NEB: variants seen among roughly 807,000 people sequenced by gnomAD.
NEB encodes the protein nebulin, also known as nemaline myopathy type 2.
In NEB, 512 loss-of-function variants were observed where a neutral mutation model predicts 952.2. That is an observed-to-expected ratio of 0.54 (90% confidence interval 0.50 to 0.58). The LOEUF is 0.58. Among genes scored for constraint, NEB ranks in the 20% least tolerant of loss-of-function variants. The pLI is 0.00. For missense variants in NEB, 8,428 were observed against 9,231.1 expected (o/e 0.91, Z 3.56); for synonymous variants, 2,900 against 3,149.8 (o/e 0.92, Z 2.66).
intron 71 of NEB, among the ~76,000 whole-genome samples, chr2:151,622,759 G>A (rs1399461896): frequency 6.6e-6 from 1 of 152,064 alleles, no homozygotes; most frequent in African/African-American, 2.4e-5. Flanking sequence ...CAGTATTATT[G>A]TCTAGTATTA....
intron 68 of NEB, among the ~76,000 whole-genome samples, chr2:151,628,606 C>T (rs1423677131): frequency 4.6e-5 from 7 of 151,920 alleles, no homozygotes; most frequent in Admixed American, 1.3e-4. Flanking sequence ...TTTGGGAAGC[C>T]GAGGGAGGCG....
At chr2:151,498,112 T>C in intron 170 of NEB, 148 bp downstream of exon 170, 1 of 1,505,520 alleles carries the variant, frequency 6.6e-7, no homozygotes, top group Non-Finnish European at 8.9e-7. Flanking sequence ...TTAACTGTAT[T>C]ATAGAAATGG....
chr2:151,614,194 C>G, intron 77 of NEB, 82 bp downstream of exon 77: 1 of 1,506,588 alleles, frequency 6.6e-7, no homozygotes, highest in South Asian at 1.3e-5. Flanking sequence ...GTAGGTTTCA[C>G]CAGACTGTGG....
intron 155 of NEB, 149 bp from the exon 156 acceptor site, chr2:151,518,571 T>A: frequency 1.6e-6 from 1 of 641,394 alleles, no homozygotes; most frequent in Non-Finnish European, 2.8e-6. Context: ...GAAAAAGTTT[T>A]AAAAATGAGG....
chr2:151,671,270 A>C, intron 37 of NEB, 41 bp from the exon 38 acceptor site: 1 of 1,511,428 alleles, frequency 6.6e-7, no homozygotes, highest in Non-Finnish European at 9.1e-7. Flanking sequence ...ACCCTGGAGA[A>C]TATTCAAGGG....
At chr2:151,723,860 G>A (rs1390444825) in intron 8 of NEB, among the ~76,000 whole-genome samples, 2 of 150,648 alleles carry the variant, frequency 1.3e-5, no homozygotes. Flanking sequence ...ATAGTTCAGG[G>A]CAATATAGGA....
intron 66 of NEB, 85 bp from the exon 67 acceptor site, chr2:151,630,904 A>C: frequency 5.5e-6 from 7 of 1,282,100 alleles, no homozygotes; most frequent in Non-Finnish European, 7.4e-6. Context: ...TTACTGACCT[A>C]ATTAGGAAAA....
intron 3 of NEB, among the ~76,000 whole-genome samples, chr2:151,730,288 T>G (rs1200690884): frequency 6.6e-6 from 1 of 151,914 alleles, no homozygotes; most frequent in Non-Finnish European, 1.5e-5. Flanking sequence ...TGCCAAGTAA[T>G]GAAGGGGAAA....
Position 151,524,431 on chromosome 2 carries a change from C to A in NEB, c.22375-16G>T, listed in dbSNP as rs1474471072. ...TGTACTCCACCTGAATCAGAGAAAACCAAAATGGGCAACAGGTGATGGTTG... is the reference window on the plus strand; with the variant it reads ...TGTACTCCACCTGAATCAGAGAAAAACAAAATGGGCAACAGGTGATGGTTG... On this transcript the variant is annotated splice_polypyrimidine_tract_variant and intron_variant, in intron 152 of 181. Transcript: ENST00000397345. 1.2e-6 allele frequency: 2 copies of A among 1,613,690 alleles called. No individual in the cohort carries two copies. The highest frequency in any genetic ancestry group is 2.7e-5 in the African/African-American group (2 of 74,878).
chr2:151,607,402 C>T (rs2097754610), intron 83 of NEB, 102 bp downstream of exon 83: 1 of 597,438 alleles, frequency 1.7e-6, no homozygotes, highest in Non-Finnish European at 2.8e-6. Flanking sequence ...GCACCAAAAG[C>T]CACAAACATT....
At chr2:151,694,697 T>TCTTTAAA in intron 18 of NEB, 68 bp from the exon 19 acceptor site, 1 of 1,172,456 alleles carries the variant, frequency 8.5e-7, no homozygotes, top group Non-Finnish European at 1.2e-6. Flanking sequence ...TAAAGACTAG[T>TCTTTAAA]GGGTAACTAA....
intron 27 of NEB, among the ~76,000 whole-genome samples, chr2:151,685,259 G>C (rs1048436874): frequency 1.3e-5 from 2 of 152,022 alleles, no homozygotes; most frequent in African/African-American, 4.8e-5. Flanking sequence ...TTCTAAACCA[G>C]GGTTTCTCAA....
intron 135 of NEB, 41 bp downstream of exon 135, chr2:151,545,847 G>A: frequency 7.9e-7 from 1 of 1,260,424 alleles, no homozygotes; most frequent in African/African-American, 1.5e-5. Flanking sequence ...GTTTGTACTG[G>A]TCAATTTGAT....
intron 4 of NEB, 134 bp from the exon 5 acceptor site, chr2:151,728,040 A>C: frequency 1.4e-6 from 1 of 695,608 alleles, no homozygotes; most frequent in Non-Finnish European, 2.4e-6. Context: ...AAGTAAGCCA[A>C]AGCAGGAAAT....
intron 164 of NEB, chr2:151,505,836 T>G (rs929813944): frequency 2.8e-5 from 15 of 541,670 alleles, no homozygotes; most frequent in African/African-American, 3.8e-5. Flanking sequence ...TCCTGTATAC[T>G]CCAATGTCTT....
intron 71 of NEB, among the ~76,000 whole-genome samples, chr2:151,622,931 T>C (rs1244670282): frequency 6.6e-6 from 1 of 152,230 alleles, no homozygotes; most frequent in Non-Finnish European, 1.5e-5. Flanking sequence ...CATGCCTTTT[T>C]TGTTTTAACA....
intron 64 of NEB, among the ~76,000 whole-genome samples, 175 bp downstream of exon 64, chr2:151,636,052 C>T (rs976145561): frequency 6.6e-6 from 1 of 152,112 alleles, no homozygotes; most frequent in African/African-American, 2.4e-5. Context: ...GTTACAGATC[C>T]CTCTTATAAA....
chr2:151,524,654 C>CTTTT lies in NEB; in HGVS notation c.22273-42_22273-39dup, dbSNP rs5835371. 441 of 257,296 alleles carry CTTTT rather than the reference C, an allele frequency of 1.7e-3. 15 individuals are homozygous for CTTTT. The highest frequency in any genetic ancestry group is 4.9e-3 in the South Asian group (164 of 33,606). The allele number at this position is 257,296 out of a possible 1,614,324, so 15.9% of individuals were successfully genotyped here. On this transcript the variant is annotated intron_variant, in intron 151 of 181. Coordinates refer to ENST00000397345, the MANE Select transcript of NEB (RefSeq NM_001164508.2). Reference sequence around the variant, plus strand: ...AGAAAATGTTTACTCAAGAGAGAGGCTTTTTTTTTTTTTTTTTTTTTTTTT... The same window carrying CTTTT: ...AGAAAATGTTTACTCAAGAGAGAGGCTTTTTTTTTTTTTTTTTTTTTTTTTTTTT...
chr2:151,508,256 C>T (rs935332749), intron 161 of NEB, 147 bp from the exon 162 acceptor site: 11 of 530,400 alleles, frequency 2.1e-5, no homozygotes, highest in Admixed American at 1.3e-4. Flanking sequence ...GTTAGGGCAT[C>T]GCAAGGAAGA....
Sources: allele counts gnomAD v4.1 joint callset (sites outside exome capture counted in the v4.1 genomes callset), GRCh38; gene constraint gnomAD v4.1.1; transcripts MANE v1.5; gene names NCBI Gene and HGNC (gene_info 2026-07-23, HGNC 2026-07-21).